GRIA4: variants seen among roughly 807,000 people sequenced by gnomAD.
GRIA4 encodes glutamate receptor 4.
In GRIA4, 34 loss-of-function variants were observed where a neutral mutation model predicts 104.0. The ratio of observed to expected loss-of-function variants is 0.33; its 90% CI spans 0.25 to 0.44. The LOEUF is 0.44. GRIA4 is among the 20% of genes least tolerant of loss of function. The pLI is 1.00. For missense variants in GRIA4, 750 were observed against 1,096.5 expected (o/e 0.68, Z 4.46); for synonymous variants, 386 against 381.9 (o/e 1.01, Z -0.13).
chr11:105,718,749 C>CA (rs1954190753), intron 3 of GRIA4, among the ~76,000 whole-genome samples: 1 of 152,140 alleles, frequency 6.6e-6, no homozygotes, highest in Non-Finnish European at 1.5e-5. Flanking sequence ...TGTGGATACT[C>CA]ACGGAAGGAG....
At chr11:105,841,751 G>C (rs1156954175) in intron 4 of GRIA4, among the ~76,000 whole-genome samples, 1 of 152,020 alleles carries the variant, frequency 6.6e-6, no homozygotes, top group Non-Finnish European at 1.5e-5. Context: ...AGACCGTGGA[G>C]CACCTGAGTC....
chr11:105,675,769 C>G (rs1016601322), intron 3 of GRIA4, among the ~76,000 whole-genome samples: 1 of 151,858 alleles, frequency 6.6e-6, no homozygotes, highest in Middle Eastern at 3.4e-3. Context: ...TCCAAATACA[C>G]TTTTTAAAAT....
chr11:105,669,961 A>G (rs1190072855), intron 3 of GRIA4, among the ~76,000 whole-genome samples: 1 of 152,126 alleles, frequency 6.6e-6, no homozygotes, highest in Admixed American at 6.6e-5. Flanking sequence ...TGAGAAAATT[A>G]TACAGAAACA....
intron 3 of GRIA4, among the ~76,000 whole-genome samples, chr11:105,723,868 T>C (rs1337423292): frequency 6.6e-6 from 1 of 152,002 alleles, no homozygotes; most frequent in Non-Finnish European, 1.5e-5. Context: ...ATAATGGACA[T>C]TTTTCAAAAG....
At chr11:105,680,061 A>T (rs1952660565) in intron 3 of GRIA4, among the ~76,000 whole-genome samples, 1 of 152,150 alleles carries the variant, frequency 6.6e-6, no homozygotes, top group Admixed American at 6.6e-5. Context: ...AGCCAGCACA[A>T]TAATTCCTTC....
At chr11:105,694,941 G>A (rs573346935) in intron 3 of GRIA4, among the ~76,000 whole-genome samples, 1 of 152,252 alleles carries the variant, frequency 6.6e-6, no homozygotes, top group South Asian at 2.1e-4. Context: ...CATTGACTGA[G>A]CACTTAATTG....
At chr11:105,725,094 T>C (rs1938113422) in intron 3 of GRIA4, among the ~76,000 whole-genome samples, 1 of 152,166 alleles carries the variant, frequency 6.6e-6, no homozygotes, top group Non-Finnish European at 1.5e-5. Flanking sequence ...ATAGGATTTG[T>C]ATGAGGATTC....
At chr11:105,861,107 C>A (rs1945207491) in intron 4 of GRIA4, among the ~76,000 whole-genome samples, 1 of 152,106 alleles carries the variant, frequency 6.6e-6, no homozygotes, top group Non-Finnish European at 1.5e-5. Flanking sequence ...CAGGTGCCTT[C>A]CCTTCCACAT....
intron 3 of GRIA4, among the ~76,000 whole-genome samples, chr11:105,640,852 CT>C (rs962796494): frequency 3.3e-5 from 5 of 151,960 alleles, no homozygotes; most frequent in African/African-American, 1.2e-4. Flanking sequence ...GTTTGGCTCT[CT>C]TTTTAATATG....
intron 3 of GRIA4, among the ~76,000 whole-genome samples, chr11:105,664,675 C>G (rs184567633): frequency 2.2e-4 from 34 of 151,840 alleles, no homozygotes; most frequent in Admixed American, 9.9e-4. Flanking sequence ...CTAGTGTGAT[C>G]TAATTATTCT....
At chr11:105,684,963 C>T (rs1296265299) in intron 3 of GRIA4, among the ~76,000 whole-genome samples, 2 of 152,050 alleles carry the variant, frequency 1.3e-5, no homozygotes, top group African/African-American at 4.8e-5. Context: ...TTTGGAATAA[C>T]TATTTGCAAT....
At chr11:105,937,158 T>C (rs973524151) in intron 14 of GRIA4, among the ~76,000 whole-genome samples, 1 of 152,136 alleles carries the variant, frequency 6.6e-6, no homozygotes, top group Non-Finnish European at 1.5e-5. Flanking sequence ...TTGAGAAATG[T>C]CCAAAGATTG....
At chr11:105,934,074 T>C in intron 14 of GRIA4, 105 bp downstream of exon 14, 1 of 947,646 alleles carries the variant, frequency 1.1e-6, no homozygotes. Flanking sequence ...ATGGTATGTT[T>C]GTTTGTTTGT....
chr11:105,954,094 G>A (rs924337781), intron 14 of GRIA4, among the ~76,000 whole-genome samples: 4 of 152,140 alleles, frequency 2.6e-5, no homozygotes, highest in Non-Finnish European at 5.9e-5. Context: ...GATGGGGTAT[G>A]TCTGCTAATT....
At chr11:105,661,463 G>A (rs562801438) in intron 3 of GRIA4, among the ~76,000 whole-genome samples, 1 of 151,556 alleles carries the variant, frequency 6.6e-6, no homozygotes, top group South Asian at 2.1e-4. Context: ...TCAGAGTTTT[G>A]GGGAAAAATT....
intron 3 of GRIA4, among the ~76,000 whole-genome samples, chr11:105,662,166 T>C (rs779006160): frequency 2.6e-5 from 4 of 151,920 alleles, no homozygotes; most frequent in African/African-American, 4.8e-5. Context: ...GATGCACTTA[T>C]TGACTAAACT....
chr11:105,973,015 T>C (rs1591502300), intron 15 of GRIA4, among the ~76,000 whole-genome samples: 1 of 152,210 alleles, frequency 6.6e-6, no homozygotes, highest in East Asian at 1.9e-4. Context: ...TTTTAATCAT[T>C]TCTGTCTGCC....
At chr11:105,706,899 A>G (rs993101345) in intron 3 of GRIA4, 1 of 152,316 alleles carries the variant, frequency 6.6e-6, no homozygotes, top group Non-Finnish European at 1.5e-5. Context: ...CTTAAGTTTG[A>G]TCAAGGTTCT....
intron 3 of GRIA4, among the ~76,000 whole-genome samples, chr11:105,738,670 T>C (rs985072254): frequency 3.3e-5 from 5 of 152,116 alleles, no homozygotes; most frequent in Non-Finnish European, 7.4e-5. Flanking sequence ...CAGCTGTGTC[T>C]CCTCCAATGA....
Sources: gnomAD v4.1 joint callset for allele counts (sites outside exome capture counted in the v4.1 genomes callset) on GRCh38, gnomAD v4.1.1 for gene constraint, MANE v1.5 for transcripts, NCBI Gene and HGNC (gene_info 2026-07-23, HGNC 2026-07-21) for gene names.